PSEN1: variants seen among roughly 807,000 people sequenced by gnomAD.
PSEN1 encodes presenilin-1.
PSEN1 carries 15 observed loss-of-function variants against 53.5 expected under a neutral mutation model. The ratio of observed to expected loss-of-function variants is 0.28; its 90% CI spans 0.19 to 0.43. PSEN1 has a LOEUF of 0.43. Among genes scored for constraint, PSEN1 ranks in the 20% least tolerant of loss-of-function variants. The pLI, the probability that PSEN1 is intolerant of heterozygous loss-of-function variation, is 1.00. For missense variants in PSEN1, 387 were observed against 571.2 expected, an observed-to-expected ratio of 0.68 and a Z score of 3.29; for synonymous variants, 208 against 209.8, an observed-to-expected ratio of 0.99 and a Z score of 0.08.
chr14:73,149,727 G>A (rs932279442), intron 3 of PSEN1, among the ~76,000 whole-genome samples: 1 of 152,164 alleles, frequency 6.6e-6, no homozygotes, highest in African/African-American at 2.4e-5. Context: ...GTCTACCAGA[G>A]TATAATCAAA....
At chr14:73,197,973 A>G (rs1899022320) in intron 7 of PSEN1, 58 bp from the exon 8 acceptor site, 2 of 945,650 alleles carry the variant, frequency 2.1e-6, no homozygotes, top group Admixed American at 1.8e-5. Context: ...CCTACCACCC[A>G]TTTACAAGTT....
At chr14:73,171,419 T>C (rs1373946606) in intron 4 of PSEN1, among the ~76,000 whole-genome samples, 2 of 152,210 alleles carry the variant, frequency 1.3e-5, no homozygotes, top group Non-Finnish European at 2.9e-5. Flanking sequence ...CTTGGTGTTA[T>C]ATATAAAGTT....
chr14:73,206,472 A>T lies in PSEN1; in HGVS notation c.955A>T (p.Ser319Cys), dbSNP rs2140125296. The T allele has an allele frequency of 6.2e-7, 1 of 1,606,610 alleles. No homozygotes were observed. Among genetic ancestry groups the T allele is most frequent in the Admixed American group, 1.7e-5 (1 of 60,012 alleles). The change falls in exon 9 of 12, where the codon AGC becomes TGC. Residue 319 changes from serine (S) to cysteine (C), a missense_variant and splice_region_variant. Transcript: ENST00000324501. ...CAAAAATTCCAAGTATAATGCAGAA[A>T]GTAGGTAACTTTTATTAGATAATAT... The part of the protein sequence containing the change: ...VSKNSKYNAE[S>C]TERESQDTVA...
intron 5 of PSEN1, 187 bp downstream of exon 5, chr14:73,173,894 T>A: frequency 1.4e-6 from 1 of 737,390 alleles, no homozygotes; most frequent in Non-Finnish European, 2.3e-6. Context: ...CAGGTGCATG[T>A]GTAATGCCAG....
chr14:73,188,238 A>G (rs1048760824), intron 6 of PSEN1, among the ~76,000 whole-genome samples: 13 of 152,024 alleles, frequency 8.6e-5, no homozygotes, highest in Non-Finnish European at 4.4e-5. Context: ...ATAATAATAC[A>G]TTTGACCAAG....
chr14:73,192,305 G>C (rs1382633209), intron 6 of PSEN1, among the ~76,000 whole-genome samples: 1 of 152,026 alleles, frequency 6.6e-6, no homozygotes, highest in Non-Finnish European at 1.5e-5. Flanking sequence ...GCTGGGCATA[G>C]TGGCACACAC....
intron 5 of PSEN1, among the ~76,000 whole-genome samples, chr14:73,180,826 A>C (rs1054077815): frequency 6.6e-6 from 1 of 152,254 alleles, no homozygotes; most frequent in Non-Finnish European, 1.5e-5. Context: ...AAAGAAATGC[A>C]TATGAAAATA....
At chr14:73,158,258 G>C (rs939001298) in intron 3 of PSEN1, among the ~76,000 whole-genome samples, 7 of 151,438 alleles carry the variant, frequency 4.6e-5, no homozygotes, top group African/African-American at 1.7e-4. Flanking sequence ...GATCCAATAT[G>C]GTAGGTGTAT....
intron 1 of PSEN1, among the ~76,000 whole-genome samples, chr14:73,147,005 A>G (rs1285718671): frequency 6.6e-6 from 1 of 152,082 alleles, no homozygotes; most frequent in Non-Finnish European, 1.5e-5. Flanking sequence ...GCCAAGATCA[A>G]AGGAGAGGTC....
At position 73,141,692 on chromosome 14, in the gene PSEN1, G is replaced by A. The variant is rs576982865; in HGVS notation, c.-136+5109G>A. On this transcript the variant is annotated intron_variant, in intron 1 of 11. Coordinates refer to ENST00000324501, the MANE Select transcript of PSEN1 (RefSeq NM_000021.4). ...CCTAGCTACTCAGGAGGCTGAGGCA[G>A]GAGAATTGCTTGAACCCAGGAGGTG... 5.3e-5 allele frequency among the ~76,000 whole-genome samples: 8 copies of A among 152,264 alleles called. No homozygotes were observed. In the South Asian group the frequency reaches 6.2e-4, roughly 12 times the overall value.
chr14:73,155,564 T>G (rs1196813800), intron 3 of PSEN1, among the ~76,000 whole-genome samples: 1 of 152,062 alleles, frequency 6.6e-6, no homozygotes, highest in Middle Eastern at 3.2e-3. Context: ...AGTATAGTGG[T>G]GTGATCATAG....
At chr14:73,208,413 GCT>G (rs1899541683) in intron 9 of PSEN1, among the ~76,000 whole-genome samples, 1 of 151,918 alleles carries the variant, frequency 6.6e-6, no homozygotes, top group African/African-American at 2.4e-5. Flanking sequence ...TGTCTCTGCA[GCT>G]CTCAGTGGAG....
intron 3 of PSEN1, among the ~76,000 whole-genome samples, chr14:73,149,149 T>C (rs1328742871): frequency 6.6e-6 from 1 of 151,808 alleles, no homozygotes; most frequent in Non-Finnish European, 1.5e-5. Flanking sequence ...CTAGGAACAG[T>C]GGTGGAAGTT....
chr14:73,179,121 G>C (rs186286344), intron 5 of PSEN1, among the ~76,000 whole-genome samples: 75 of 152,274 alleles, frequency 4.9e-4, no homozygotes, highest in Non-Finnish European at 9.7e-4. Context: ...GCAGCCAAAA[G>C]TGGACTTTAT....
chr14:73,161,877 G>A (rs1897549667), intron 3 of PSEN1, among the ~76,000 whole-genome samples: 1 of 151,888 alleles, frequency 6.6e-6, no homozygotes, highest in Non-Finnish European at 1.5e-5. Context: ...TTTATAGGCC[G>A]GGCGCAGTGG....
chr14:73,214,756 A>G (rs1187223832), intron 10 of PSEN1, among the ~76,000 whole-genome samples: 1 of 152,130 alleles, frequency 6.6e-6, no homozygotes, highest in African/African-American at 2.4e-5. Context: ...CAGAAAGTAG[A>G]CTGGTGGTTG....
chr14:73,139,560 A>G (rs1023031098), intron 1 of PSEN1, among the ~76,000 whole-genome samples: 2 of 152,162 alleles, frequency 1.3e-5, no homozygotes, highest in Admixed American at 6.5e-5. Flanking sequence ...AGACTGGGCT[A>G]CAGAGCGAGA....
At chr14:73,219,040 A>T in intron 11 of PSEN1, 94 bp from the exon 12 acceptor site, 2 of 1,307,948 alleles carry the variant, frequency 1.5e-6, no homozygotes, top group Non-Finnish European at 2.2e-6. Flanking sequence ...ATATTCAGTT[A>T]ACTATGTTAA....
intron 3 of PSEN1, among the ~76,000 whole-genome samples, chr14:73,152,611 AAG>A (rs1371061690): frequency 2.0e-5 from 3 of 152,142 alleles, no homozygotes; most frequent in Non-Finnish European, 2.9e-5. Context: ...GTCTCAAAAA[AAG>A]AAAAAAAAAA....
Sources: allele counts gnomAD v4.1 joint callset (sites outside exome capture counted in the v4.1 genomes callset), GRCh38; gene constraint gnomAD v4.1.1; transcripts MANE v1.5; gene names NCBI Gene and HGNC (gene_info 2026-07-23, HGNC 2026-07-21).